MEGF11: variants seen among roughly 807,000 people sequenced by gnomAD.
MEGF11 encodes multiple EGF like domains 11.
MEGF11 carries 126 observed loss-of-function variants against 146.6 expected under a neutral mutation model. The observed-to-expected ratio is 0.86, with a 90% CI of 0.74 to 1.00. The LOEUF is 1.00. MEGF11 is among the 50% of genes least tolerant of loss of function. The probability of loss-of-function intolerance (pLI) is 0.00; values close to 1 mark genes in which losing one functional copy is unlikely to be tolerated. For missense variants in MEGF11, 1,509 were observed against 1,521.2 expected, an observed-to-expected ratio of 0.99 and a Z score of 0.13; for synonymous variants, 532 against 583.4, an observed-to-expected ratio of 0.91 and a Z score of 1.27.
At chr15:66,051,863 T>C (rs1399077707) in intron 5 of MEGF11, among the ~76,000 whole-genome samples, 1 of 152,256 alleles carries the variant, frequency 6.6e-6, no homozygotes, top group Admixed American at 6.5e-5. Flanking sequence ...TGCAGTTTCG[T>C]GGAACTTCCT....
rs537829549 is a variant in MEGF11, at chr15:65,981,254, C to G, written c.642-356G>C. ...AGAATGGAAGGAAGGGCATGCCAGG[C>G]CAAAGTCATTGCATTAATGAAGGCA... On this transcript the variant is annotated intron_variant, in intron 6 of 25. Coordinates refer to ENST00000395614, the MANE Select transcript of MEGF11 (RefSeq NM_001385028.1). Among the ~76,000 whole-genome samples, 44 of 152,264 alleles carry G rather than the reference C, an allele frequency of 2.9e-4. 1 individual carries two copies. Among genetic ancestry groups the G allele is most frequent in the African/African-American group, 1.0e-3 (43 of 41,548 alleles).
intron 10 of MEGF11, among the ~76,000 whole-genome samples, chr15:65,946,877 C>T (rs1039138173): frequency 6.6e-6 from 1 of 152,148 alleles, no homozygotes; most frequent in Non-Finnish European, 1.5e-5. Flanking sequence ...CTTTTCCTTC[C>T]ACTCCCTCCC....
intron 5 of MEGF11, among the ~76,000 whole-genome samples, chr15:66,070,931 A>G (rs1038142323): frequency 6.6e-6 from 1 of 152,178 alleles, no homozygotes; most frequent in Non-Finnish European, 1.5e-5. Context: ...AGGGAAAAAC[A>G]TGGAATCGAG....
chr15:66,253,355 T>A (rs1015963850), intron 1 of MEGF11, among the ~76,000 whole-genome samples: 1 of 152,112 alleles, frequency 6.6e-6, no homozygotes, highest in Non-Finnish European at 1.5e-5. Flanking sequence ...GCTGCCCACA[T>A]TGAGGCGCCC....
chr15:66,161,125 G>C (rs1476718185), intron 1 of MEGF11, among the ~76,000 whole-genome samples: 1 of 152,210 alleles, frequency 6.6e-6, no homozygotes, highest in East Asian at 1.9e-4. Flanking sequence ...AACACCTAAA[G>C]TAGAAGCTCA....
intron 10 of MEGF11, among the ~76,000 whole-genome samples, chr15:65,952,377 T>C (rs1248801896): frequency 2.0e-5 from 3 of 152,120 alleles, no homozygotes; most frequent in African/African-American, 4.8e-5. Flanking sequence ...TGCAAGTGGA[T>C]GGACAGCTCC....
At chr15:66,004,995 G>A (rs1180234446) in intron 5 of MEGF11, among the ~76,000 whole-genome samples, 1 of 152,210 alleles carries the variant, frequency 6.6e-6, no homozygotes, top group Non-Finnish European at 1.5e-5. Flanking sequence ...GCTGAAGCAG[G>A]TGGATCGCTT....
chr15:66,248,341 G>C (rs1203241714), intron 1 of MEGF11, among the ~76,000 whole-genome samples: 1 of 152,158 alleles, frequency 6.6e-6, no homozygotes, highest in East Asian at 1.9e-4. Flanking sequence ...TCAGCCAGTT[G>C]AATTCAGCTT....
rs138011925 is a variant in MEGF11, at chr15:66,073,153, C to T, written c.394+21249G>A. Among the ~76,000 whole-genome samples the T allele has an allele frequency of 5.9e-5, 9 of 152,316 alleles. No homozygotes were observed. The East Asian group carries it at 1.4e-3, about 23-fold the overall frequency. On this transcript the variant is annotated intron_variant, in intron 5 of 25. Coordinates refer to ENST00000395614, the MANE Select transcript of MEGF11 (RefSeq NM_001385028.1). The stretch of plus-strand genomic sequence containing the variant: ...TTCCTGTGCAGTGCACCCCCACCTC[C>T]GCCTCGCCAGCCTGAGATGAATGGC...
At chr15:66,212,984 T>C (rs922100736) in intron 1 of MEGF11, among the ~76,000 whole-genome samples, 2 of 152,192 alleles carry the variant, frequency 1.3e-5, no homozygotes, top group African/African-American at 4.8e-5. Flanking sequence ...CTTCCAGTCC[T>C]GTAGATCTGC....
Position 66,094,471 on chromosome 15 carries a change from GCACACACTCCTCCGTA to G in MEGF11, c.309_324del (p.Glu105AlafsTer177), listed in dbSNP as rs1380716654. The G allele has an allele frequency of 3.8e-6, 6 of 1,560,778 alleles. No homozygotes were observed. The highest frequency in any genetic ancestry group is 5.2e-6 in the Non-Finnish European group (6 of 1,152,336). Reference sequence around the variant, plus strand: ...GTGTCCGGGGAAACGCAGCGGCCGTGCACACACTCCTCCGTACACAGGGCTGAGGGGACATGGGGAG... The same window carrying G: ...GTGTCCGGGGAAACGCAGCGGCCGTGCACAGGGCTGAGGGGACATGGGGAG... On this transcript the variant is annotated frameshift_variant, in exon 5 of 26. Coordinates refer to ENST00000395614, the MANE Select transcript of MEGF11 (RefSeq NM_001385028.1). LOFTEE classifies it high-confidence loss of function.
Position 65,916,864 on chromosome 15 carries a change from A to G in MEGF11, c.2179T>C (p.Cys727Arg), listed in dbSNP as rs1567155259. ...SCSAEDGACH[C>R]TPGWTGLFCT... ...AAGAGTCCAGTCCAGCCAGGGGTGC[A>G]GTGGCAGGCCCCGTCCTCGGCGCTG... The change falls in exon 17 of 26, where the codon TGC (cysteine) becomes CGC (arginine). Residue 727 changes from cysteine to arginine, a missense_variant. Transcript: ENST00000395614. 1 of 1,601,460 alleles carries G rather than the reference A, an allele frequency of 6.2e-7. No homozygotes were observed. Among genetic ancestry groups the G allele is most frequent in the East Asian group, 2.3e-5 (1 of 44,202 alleles).
chr15:66,021,173 C>T (rs1320503837), intron 5 of MEGF11, among the ~76,000 whole-genome samples: 1 of 152,118 alleles, frequency 6.6e-6, no homozygotes, highest in Non-Finnish European at 1.5e-5. Flanking sequence ...CTTGGGGAGC[C>T]CACCCCTACC....
intron 5 of MEGF11, among the ~76,000 whole-genome samples, chr15:66,011,709 A>C (rs1434952997): frequency 8.7e-6 from 1 of 114,394 alleles, no homozygotes; most frequent in Non-Finnish European, 1.8e-5. Flanking sequence ...ATGGACCCCC[A>C]GGGAATTTAG....
intron 5 of MEGF11, among the ~76,000 whole-genome samples, chr15:66,079,545 C>CG (rs957078062): frequency 2.4e-5 from 3 of 122,794 alleles, no homozygotes; most frequent in African/African-American, 8.0e-5. Flanking sequence ...ACACCCCCCC[C>CG]CCCAGCACCC....
chr15:65,919,195 G>A (rs571013680), intron 15 of MEGF11, among the ~76,000 whole-genome samples: 7 of 152,300 alleles, frequency 4.6e-5, no homozygotes, highest in African/African-American at 1.7e-4. Context: ...GGACGTGATT[G>A]GTAGTTGAGA....
At chr15:66,233,423 A>G (rs1411556104) in intron 1 of MEGF11, among the ~76,000 whole-genome samples, 2 of 152,114 alleles carry the variant, frequency 1.3e-5, no homozygotes, top group African/African-American at 4.8e-5. Flanking sequence ...TTTAGTAGAG[A>G]CAGGATTTCA....
chr15:66,067,359 C>T (rs1413754240), intron 5 of MEGF11, among the ~76,000 whole-genome samples: 1 of 152,212 alleles, frequency 6.6e-6, no homozygotes, highest in Non-Finnish European at 1.5e-5. Context: ...CCACTGTCTA[C>T]ATCTGTCACC....
intron 1 of MEGF11, among the ~76,000 whole-genome samples, chr15:66,246,774 G>A (rs953246331): frequency 6.6e-6 from 1 of 152,108 alleles, no homozygotes; most frequent in Admixed American, 6.6e-5. Context: ...TTGCACCACT[G>A]CACTCCAGCC....
Sources: gnomAD v4.1 joint callset for allele counts (sites outside exome capture counted in the v4.1 genomes callset) on GRCh38, gnomAD v4.1.1 for gene constraint, MANE v1.5 for transcripts, NCBI Gene and HGNC (gene_info 2026-07-23, HGNC 2026-07-21) for gene names.